The following TET1 variants were observed in gnomAD, a reference collection of about 807,000 sequenced individuals.
TET1 encodes the protein methylcytosine dioxygenase TET1.
Under a neutral mutation model 148.7 loss-of-function variants are expected in TET1, and 13 were observed. The observed-to-expected ratio is 0.09, with a 90% CI of 0.06 to 0.14. The LOEUF (loss-of-function observed/expected upper bound fraction) is 0.14. Ranked by LOEUF, TET1 falls within the 10% of genes least tolerant of loss-of-function variation. The pLI is 1.00. For missense variants in TET1, 2,182 were observed against 2,553.8 expected (o/e 0.85, Z 3.14); for synonymous variants, 907 against 937.2 (o/e 0.97, Z 0.59).
intron 3 of TET1, among the ~76,000 whole-genome samples, chr10:68,622,621 TC>T (rs2054393908): frequency 6.6e-6 from 1 of 151,996 alleles, no homozygotes; most frequent in Non-Finnish European, 1.5e-5. Flanking sequence ...TCCACACAGT[TC>T]CTCAGTGTTG....
chr10:68,680,120 C>T (rs1336469438), intron 8 of TET1, among the ~76,000 whole-genome samples: 3 of 152,186 alleles, frequency 2.0e-5, no homozygotes, highest in South Asian at 2.1e-4. Context: ...GTCACACTTA[C>T]GGTTGCTAAG....
At chr10:68,683,794 T>C (rs967374218) in intron 10 of TET1, among the ~76,000 whole-genome samples, 24 of 152,238 alleles carry the variant, frequency 1.6e-4, no homozygotes, top group African/African-American at 5.1e-4. Context: ...TTTTGCCATC[T>C]GCACTTCAGG....
intron 3 of TET1, among the ~76,000 whole-genome samples, chr10:68,641,949 C>A (rs2054762207): frequency 6.6e-6 from 1 of 152,142 alleles, no homozygotes; most frequent in Non-Finnish European, 1.5e-5. Context: ...CAGGTTCATG[C>A]CACTGCATGC....
rs367587053 is a variant in TET1 at position 68,664,244 on chromosome 10, A to AT, written c.4462-2795dup. Among the ~76,000 whole-genome samples the AT allele has an allele frequency of 4.2e-3, 632 of 151,434 alleles. 5 individuals carry two copies. Among genetic ancestry groups the AT allele is most frequent in the Middle Eastern group, 0.021 (6 of 292 alleles). ...TTCTCTATTGTGAAGTGCCTATTCAATTTTTTCTGCCAATTTTCTATGGGG... is the reference window on the plus strand; with the variant it reads ...TTCTCTATTGTGAAGTGCCTATTCAATTTTTTTCTGCCAATTTTCTATGGGG... On this transcript the variant is annotated intron_variant, in intron 6 of 11. Coordinates refer to ENST00000373644, the MANE Select transcript of TET1 (RefSeq NM_030625.3).
rs748859596 is a variant in TET1, at chr10:68,573,284, G to A, written c.946G>A (p.Ala316Thr). The change falls in exon 2 of 12, where the codon GCT becomes ACT. Residue 316 changes from alanine (A) to threonine (T), a missense_variant. Physicochemically the swap from Ala to Thr is moderately conservative, Grantham distance 58. Coordinates refer to ENST00000373644, the MANE Select transcript of TET1 (RefSeq NM_030625.3). ...TGACTTGAACCTTAGAAACTGCTTGGCTCTTGGTGGGTCTACGTCTCCTAC... is the reference window on the plus strand; with the variant it reads ...TGACTTGAACCTTAGAAACTGCTTGACTCTTGGTGGGTCTACGTCTCCTAC... ...IPDLNLRNCL[A>T]LGGSTSPTSV... 2 of 1,613,952 alleles carry A rather than the reference G, an allele frequency of 1.2e-6. No individual in the cohort carries two copies. The highest frequency in any genetic ancestry group is 3.3e-5 in the Admixed American group (2 of 59,998).
At chr10:68,588,096 C>T (rs2053879951) in intron 2 of TET1, among the ~76,000 whole-genome samples, 1 of 152,140 alleles carries the variant, frequency 6.6e-6, no homozygotes, top group Non-Finnish European at 1.5e-5. Flanking sequence ...CTCCTGACCT[C>T]ACGTGATCCA....
chr10:68,566,659 A>G (rs556423940), intron 1 of TET1, among the ~76,000 whole-genome samples: 4 of 152,296 alleles, frequency 2.6e-5, no homozygotes, highest in East Asian at 3.9e-4. Context: ...GACACATTAC[A>G]TTGACTAAAT....
intron 2 of TET1, among the ~76,000 whole-genome samples, chr10:68,596,027 C>CACACACACATATAT (rs71470531): frequency 8.1e-5 from 5 of 61,754 alleles, no homozygotes; most frequent in Non-Finnish European, 1.2e-4. Context: ...CACACACACA[C>CACACACACATATAT]ATATATATAT....
chr10:68,569,242 G>A (rs1198981801), intron 1 of TET1, among the ~76,000 whole-genome samples: 2 of 139,120 alleles, frequency 1.4e-5, no homozygotes, highest in African/African-American at 5.5e-5. Flanking sequence ...GTGCAATCTC[G>A]GCTCACTGCA....
At chr10:68,661,283 C>T (rs1047618773) in intron 6 of TET1, among the ~76,000 whole-genome samples, 1 of 125,876 alleles carries the variant, frequency 7.9e-6, no homozygotes, top group South Asian at 2.7e-4. Flanking sequence ...CTCCTGACCT[C>T]GTGATCCGCC....
rs77779053 is a variant in TET1 at position 68,566,712 on chromosome 10, G to A, written c.-122-5505G>A. Among the ~76,000 whole-genome samples the A allele has an allele frequency of 3.7e-3, 562 of 152,252 alleles. 4 individuals carry two copies. Among genetic ancestry groups the A allele is most frequent in the African/African-American group, 0.013 (533 of 41,548 alleles). On this transcript the variant is annotated intron_variant, in intron 1 of 11. Coordinates refer to ENST00000373644, the MANE Select transcript of TET1 (RefSeq NM_030625.3). ...TTCTTGTGTGTATAACCTACGTAGT[G>A]TGTAAGGTGGGAACAGAACCAAAAG...
At chr10:68,601,499 C>T (rs1410827280) in intron 3 of TET1, among the ~76,000 whole-genome samples, 1 of 152,170 alleles carries the variant, frequency 6.6e-6, no homozygotes, top group Non-Finnish European at 1.5e-5. Flanking sequence ...TAGTGGAGAT[C>T]TTACAGCCAA....
At chr10:68,672,633 C>T (rs2133195309) in intron 7 of TET1, among the ~76,000 whole-genome samples, 2 of 150,820 alleles carry the variant, frequency 1.3e-5, no homozygotes, top group East Asian at 3.9e-4. Context: ...TTTGGATTTG[C>T]AATCATGACC....
chr10:68,639,466 C>CTACTAT (rs367795678), intron 3 of TET1, among the ~76,000 whole-genome samples: 210 of 113,162 alleles, frequency 1.9e-3, no homozygotes, highest in Middle Eastern at 0.016. Context: ...ACTACTACTA[C>CTACTAT]TATTATTATT....
chr10:68,639,752 C>T (rs1018526215), intron 3 of TET1, among the ~76,000 whole-genome samples: 1 of 151,150 alleles, frequency 6.6e-6, no homozygotes, highest in African/African-American at 2.4e-5. Context: ...AGGCGTGAGC[C>T]ACCATGCCCC....
intron 2 of TET1, among the ~76,000 whole-genome samples, chr10:68,588,952 A>T (rs568067657): frequency 6.6e-6 from 1 of 151,892 alleles, no homozygotes; most frequent in African/African-American, 2.4e-5. Flanking sequence ...TGAGACCCTC[A>T]TCTCTACAAA....
At chr10:68,674,481 A>G (rs1220381308) in intron 8 of TET1, 2 of 410,570 alleles carry the variant, frequency 4.9e-6, no homozygotes, top group Non-Finnish European at 4.6e-6. Context: ...CCAAGGAACC[A>G]TAATTGAATC....
rs1244406416 is a variant in TET1 at position 68,573,119 on chromosome 10, A to G, written c.781A>G (p.Thr261Ala). 2 of 1,613,952 alleles carry G rather than the reference A, an allele frequency of 1.2e-6. No individual in the cohort carries two copies. Among genetic ancestry groups the G allele is most frequent in the Non-Finnish European group, 8.5e-7 (1 of 1,180,014 alleles). The change falls in exon 2 of 12, where the codon ACC (threonine) becomes GCC (alanine). Residue 261 changes from threonine to alanine, a missense_variant. By Grantham distance (58) the Thr-to-Ala change is moderately conservative. This residue lies in a region of TET1 where 665 missense variants were observed against 672.4 expected (regional missense o/e 0.99). Coordinates refer to ENST00000373644, the MANE Select transcript of TET1 (RefSeq NM_030625.3). ...PFPQRATPKV[T>A]SQGNPSIQLE... ...TCCCCAAAGAGCAACCCCCAAAGTT[A>G]CCTCTCAAGGAAACCCCAGCATTCA...
At chr10:68,683,861 C>T (rs1369156686) in intron 10 of TET1, among the ~76,000 whole-genome samples, 1 of 152,200 alleles carries the variant, frequency 6.6e-6, no homozygotes, top group East Asian at 1.9e-4. Context: ...GGTATGCCTA[C>T]TATGTTTATA....
Sources: allele counts gnomAD v4.1 joint callset (sites outside exome capture counted in the v4.1 genomes callset), GRCh38; gene constraint gnomAD v4.1.1; regional missense constraint gnomAD v4.1.1; transcripts MANE v1.5; gene names NCBI Gene and HGNC (gene_info 2026-07-23, HGNC 2026-07-21).